Variants in FHIT observed in about 807,000 individuals in gnomAD.
FHIT encodes bis(5'-adenosyl)-triphosphatase.
FHIT carries 19 observed loss-of-function variants against 17.9 expected under a neutral mutation model. The observed-to-expected ratio is 1.06, with a 90% CI of 0.74 to 1.56. The LOEUF is 1.56. FHIT is among the 40% of genes most tolerant of loss of function. The pLI is 0.00. For synonymous variants in FHIT, 81 were observed against 69.7 expected, an observed-to-expected ratio of 1.16 and a Z score of -0.81; for missense variants, 248 against 189.2, an observed-to-expected ratio of 1.31 and a Z score of -1.82.
At chr3:60,404,507 G>T (rs1701779391) in intron 5 of FHIT, among the ~76,000 whole-genome samples, 1 of 152,086 alleles carries the variant, frequency 6.6e-6, no homozygotes, top group Non-Finnish European at 1.5e-5. Context: ...ACTTCCTCTA[G>T]GTAGGCTTCC....
At chr3:60,981,491 C>T (rs939792716) in intron 3 of FHIT, among the ~76,000 whole-genome samples, 3 of 151,572 alleles carry the variant, frequency 2.0e-5, no homozygotes, top group South Asian at 2.1e-4. Context: ...AATATATTTT[C>T]GTAGAGATGG....
At chr3:60,057,903 CCTT>C (rs1702144284) in intron 5 of FHIT, among the ~76,000 whole-genome samples, 1 of 152,002 alleles carries the variant, frequency 6.6e-6, no homozygotes, top group Non-Finnish European at 1.5e-5. Flanking sequence ...GACTGAACTC[CCTT>C]CTTCTTGGCA....
chr3:61,088,283 C>A (rs1197481658), intron 2 of FHIT, among the ~76,000 whole-genome samples: 1 of 152,172 alleles, frequency 6.6e-6, no homozygotes, highest in African/African-American at 2.4e-5. Context: ...CTAAGATGGG[C>A]TCTCTCTAAA....
intron 8 of FHIT, among the ~76,000 whole-genome samples, chr3:59,825,301 G>A (rs144542509): frequency 7.9e-5 from 12 of 152,164 alleles, no homozygotes; most frequent in African/African-American, 2.2e-4. Context: ...TTTTCTTTTC[G>A]AGTATGCTTT....
intron 8 of FHIT, among the ~76,000 whole-genome samples, chr3:59,806,891 A>G (rs1392660409): frequency 4.6e-5 from 7 of 152,134 alleles, no homozygotes; most frequent in Non-Finnish European, 1.5e-5. Flanking sequence ...CAAGAAAAAG[A>G]TAAGGGAAAG....
Position 59,900,303 on chromosome 3 carries a change from G to T in FHIT, c.348+22043C>A, listed in dbSNP as rs552488125. Among the ~76,000 whole-genome samples the T allele has an allele frequency of 3.9e-5, 6 of 152,328 alleles. No homozygotes were observed. The East Asian group carries it at 1.2e-3, about 29-fold the overall frequency. The stretch of plus-strand genomic sequence containing the variant: ...ATGAATGGTTCCTCCCAGCAGTTGT[G>T]CAGGCCTGTCCGCAGAACAGGTGAG... On this transcript the variant is annotated intron_variant, in intron 8 of 9. Transcript: ENST00000492590.
chr3:60,232,701 C>T (rs1278101507), intron 5 of FHIT, among the ~76,000 whole-genome samples: 3 of 152,138 alleles, frequency 2.0e-5, no homozygotes, highest in African/African-American at 7.2e-5. Context: ...CCATCTCCAT[C>T]TCCAGTATAA....
intron 5 of FHIT, among the ~76,000 whole-genome samples, chr3:60,296,921 C>G (rs1377505839): frequency 8.7e-6 from 1 of 115,268 alleles, no homozygotes; most frequent in Non-Finnish European, 2.0e-5. Flanking sequence ...TTTATTTTTG[C>G]AAAAAAAAAA....
chr3:60,136,660 C>T (rs1699829054), intron 5 of FHIT, among the ~76,000 whole-genome samples: 1 of 152,098 alleles, frequency 6.6e-6, no homozygotes, highest in Non-Finnish European at 1.5e-5. Context: ...CCTTACCTTA[C>T]ATAGGACCTT....
intron 4 of FHIT, among the ~76,000 whole-genome samples, chr3:60,720,131 C>T (rs1197738304): frequency 6.6e-6 from 1 of 152,162 alleles, no homozygotes; most frequent in Non-Finnish European, 1.5e-5. Flanking sequence ...TTCCTCTGCT[C>T]CAGAAGCACT....
chr3:60,989,539 C>T (rs2029996568), intron 3 of FHIT, among the ~76,000 whole-genome samples: 1 of 152,126 alleles, frequency 6.6e-6, no homozygotes, highest in South Asian at 2.1e-4. Flanking sequence ...AGGAGGTAGG[C>T]ACAATTATTA....
At chr3:60,382,702 C>T (rs1017223739) in intron 5 of FHIT, among the ~76,000 whole-genome samples, 1 of 152,108 alleles carries the variant, frequency 6.6e-6, no homozygotes, top group Non-Finnish European at 1.5e-5. Flanking sequence ...TTTTTACCCC[C>T]ACTTAGGAAT....
intron 5 of FHIT, among the ~76,000 whole-genome samples, chr3:60,094,630 A>C (rs1193613983): frequency 6.6e-6 from 1 of 152,180 alleles, no homozygotes; most frequent in Non-Finnish European, 1.5e-5. Context: ...AAATGTAATA[A>C]GACACCTGTG....
chr3:60,300,540 G>T lies in FHIT; in HGVS notation c.103+236320C>A, dbSNP rs372158971. On this transcript the variant is annotated intron_variant, in intron 5 of 9. Transcript: ENST00000492590. ...GTTTTGTTTTTTCCTGTAAGATGGG[G>T]ATGATATCACCGAGGTGCCCTTCCA... Among the ~76,000 whole-genome samples the T allele has an allele frequency of 3.9e-5, 6 of 152,206 alleles. No homozygotes were observed. The East Asian group carries it at 1.2e-3, about 29-fold the overall frequency.
At chr3:60,822,895 C>G (rs1701975928) in intron 3 of FHIT, among the ~76,000 whole-genome samples, 1 of 152,164 alleles carries the variant, frequency 6.6e-6, no homozygotes, top group African/African-American at 2.4e-5. Flanking sequence ...CTGCTCTGAC[C>G]TCTACCTCTG....
rs1700714300 is a variant in FHIT, at chr3:59,748,433, A to G, written c.*1152T>C. Among the ~76,000 whole-genome samples the G allele has an allele frequency of 6.6e-6, 1 of 152,098 alleles. No individual in the cohort carries two copies. Among genetic ancestry groups the G allele is most frequent in the Non-Finnish European group, 1.5e-5 (1 of 68,004 alleles). On this transcript the variant is annotated 3_prime_UTR_variant, in exon 10 of 10. Coordinates refer to ENST00000492590, the MANE Select transcript of FHIT (RefSeq NM_002012.4). ...ATTCAGCATGATCTGAGAATCTTGC[A>G]AGTAGAACCAAGTTGGTTGGGGAAA... is the stretch of plus-strand genomic sequence containing the variant.
chr3:61,136,175 C>A (rs1184242347), intron 2 of FHIT, among the ~76,000 whole-genome samples: 1 of 152,054 alleles, frequency 6.6e-6, no homozygotes, highest in Non-Finnish European at 1.5e-5. Flanking sequence ...TTGGATTAGC[C>A]TCAGGGAGGC....
chr3:61,166,153 A>G (rs1560034307), intron 2 of FHIT, among the ~76,000 whole-genome samples: 1 of 152,036 alleles, frequency 6.6e-6, no homozygotes, highest in Non-Finnish European at 1.5e-5. Flanking sequence ...ACTAAAATAT[A>G]CTAACTTAGA....
chr3:61,010,305 T>C (rs1029562858), intron 3 of FHIT, among the ~76,000 whole-genome samples: 1 of 152,190 alleles, frequency 6.6e-6, no homozygotes, highest in African/African-American at 2.4e-5. Context: ...ACTGATCCAA[T>C]ATTAGCCCAT....
Sources: allele counts gnomAD v4.1 joint callset (sites outside exome capture counted in the v4.1 genomes callset), GRCh38; gene constraint gnomAD v4.1.1; transcripts MANE v1.5; gene names NCBI Gene and HGNC (gene_info 2026-07-23, HGNC 2026-07-21).